The following MKLN1 variants were observed in gnomAD, a reference collection of about 807,000 sequenced individuals.
MKLN1 encodes the protein muskelin.
In MKLN1, 18 loss-of-function variants were observed where a neutral mutation model predicts 99.0. That is an observed-to-expected ratio of 0.18 (90% CI 0.13 to 0.27). The LOEUF (loss-of-function observed/expected upper bound fraction) is 0.27. MKLN1 is among the 10% of genes least tolerant of loss of function. MKLN1 has a pLI of 1.00. For synonymous variants in MKLN1, 288 were observed against 293.2 expected, an observed-to-expected ratio of 0.98 and a Z score of 0.18; for missense variants, 621 against 875.9, an observed-to-expected ratio of 0.71 and a Z score of 3.67.
intron 10 of MKLN1, among the ~76,000 whole-genome samples, chr7:131,439,599 T>G (rs1242864269): frequency 6.6e-6 from 1 of 152,188 alleles, no homozygotes; most frequent in Non-Finnish European, 1.5e-5. Context: ...ACTTGTAGTG[T>G]TTATGACACT....
At chr7:131,138,691 G>A (rs1057119191) in intron 1 of MKLN1, among the ~76,000 whole-genome samples, 1 of 147,984 alleles carries the variant, frequency 6.8e-6, no homozygotes, top group African/African-American at 2.5e-5. Flanking sequence ...CTATTGACTT[G>A]AGTGAAATGA....
chr7:131,376,563 A>T (rs1793671242), intron 2 of MKLN1, among the ~76,000 whole-genome samples: 1 of 150,366 alleles, frequency 6.7e-6, no homozygotes, highest in Non-Finnish European at 1.5e-5. Flanking sequence ...AATCGTTTGA[A>T]CCCAGGAGGC....
At chr7:131,470,714 T>A in intron 15 of MKLN1, 128 bp from the exon 16 acceptor site, 1 of 661,588 alleles carries the variant, frequency 1.5e-6, no homozygotes, top group Non-Finnish European at 2.6e-6. Flanking sequence ...ATTCCTAAAC[T>A]GACATTTTCT....
intron 12 of MKLN1, among the ~76,000 whole-genome samples, chr7:131,447,123 C>T (rs529469114): frequency 6.6e-6 from 1 of 152,190 alleles, no homozygotes; most frequent in Non-Finnish European, 1.5e-5. Context: ...TGCAGAACTA[C>T]AGCCAGTTTA....
At chr7:131,175,872 C>T (rs1442777941) in intron 2 of MKLN1, among the ~76,000 whole-genome samples, 1 of 151,542 alleles carries the variant, frequency 6.6e-6, no homozygotes, top group Non-Finnish European at 1.5e-5. Context: ...TGCACTCCAG[C>T]CTGGGTGACA....
upstream of MKLN1, chr7:131,326,873 CCAGGCTTT>C (rs1201181467): frequency 1.3e-5 from 2 of 152,338 alleles, no homozygotes; most frequent in African/African-American, 4.8e-5. Context: ...ATGACACTGT[CCAGGCTTT>C]CAGGAGTCCA....
chr7:131,466,352 A>C lies in MKLN1; in HGVS notation c.1865A>C (p.Lys622Thr), dbSNP rs1213654273. The C allele has an allele frequency of 6.2e-7, 1 of 1,607,402 alleles. No homozygotes were observed. Among genetic ancestry groups the C allele is most frequent in the Non-Finnish European group, 8.5e-7 (1 of 1,175,414 alleles). ...AGATTAGATGACTTCTGGTCACTGA[A>C]GTTGTGTAGACCTTCAAAAGATTAT... ...KMRLDDFWSLKLCRPSKDYLL... is the reference protein window; with the variant it reads ...KMRLDDFWSLTLCRPSKDYLL... Residue 622 changes from lysine (K) to threonine (T), a missense_variant, in exon 15 of 18, where the codon AAG (lysine) becomes ACG (threonine). Physicochemically the swap from Lys to Thr is moderately conservative, Grantham distance 78. This residue lies in a region of MKLN1 where 126 missense variants were observed against 157.4 expected (regional missense o/e 0.80). Transcript: ENST00000352689.
intron 17 of MKLN1, among the ~76,000 whole-genome samples, chr7:131,479,881 G>A (rs1467651014): frequency 7.4e-5 from 11 of 148,946 alleles, no homozygotes; most frequent in East Asian, 2.0e-4. Flanking sequence ...TAAATCAGCC[G>A]GGCACGGTGG....
At chr7:131,219,031 G>T (rs1453530598) in intron 3 of MKLN1, among the ~76,000 whole-genome samples, 1 of 152,168 alleles carries the variant, frequency 6.6e-6, no homozygotes, top group Non-Finnish European at 1.5e-5. Flanking sequence ...AAAGCAGAAT[G>T]GTGGTTGCCA....
chr7:131,371,697 TTTC>T (rs1793468726), intron 1 of MKLN1, among the ~76,000 whole-genome samples: 1 of 151,954 alleles, frequency 6.6e-6, no homozygotes, highest in African/African-American at 2.4e-5. Context: ...CTCCTATACT[TTTC>T]TTCATAGTAA....
chr7:131,278,322 G>C (rs1798004158), intron 3 of MKLN1, among the ~76,000 whole-genome samples: 1 of 152,128 alleles, frequency 6.6e-6, no homozygotes, highest in African/African-American at 2.4e-5. Context: ...ACAGGTATGA[G>C]CCACTGTGCC....
chr7:131,434,049 C>A (rs1440193382), intron 9 of MKLN1, among the ~76,000 whole-genome samples: 1 of 151,922 alleles, frequency 6.6e-6, no homozygotes, highest in Non-Finnish European at 1.5e-5. Context: ...ACCCACCTGG[C>A]TAATTTTTGT....
intron 3 of MKLN1, among the ~76,000 whole-genome samples, chr7:131,276,872 G>A (rs1279308715): frequency 6.6e-6 from 1 of 152,168 alleles, no homozygotes; most frequent in Non-Finnish European, 1.5e-5. Flanking sequence ...TATTACAAAT[G>A]TGACAAGCCT....
At chr7:131,476,145 A>G (rs921883703) in intron 16 of MKLN1, among the ~76,000 whole-genome samples, 4 of 152,166 alleles carry the variant, frequency 2.6e-5, no homozygotes, top group Non-Finnish European at 4.4e-5. Context: ...ATAAAAAGAA[A>G]CTTCTTGAAT....
intron 3 of MKLN1, chr7:131,310,392 G>A (rs1798544126): frequency 6.6e-6 from 1 of 152,180 alleles, no homozygotes; most frequent in Admixed American, 6.5e-5. Flanking sequence ...AAATCTGAGT[G>A]TCAAGGTATC....
intron 2 of MKLN1, among the ~76,000 whole-genome samples, chr7:131,166,606 G>A (rs1376226719): frequency 6.6e-6 from 1 of 152,126 alleles, no homozygotes; most frequent in African/African-American, 2.4e-5. Flanking sequence ...CTTTCTTAGT[G>A]TTTTCTCTGC....
At chr7:131,271,071 C>T (rs1047078200) in intron 3 of MKLN1, among the ~76,000 whole-genome samples, 22 of 152,106 alleles carry the variant, frequency 1.4e-4, no homozygotes, top group Non-Finnish European at 1.6e-4. Flanking sequence ...ATATAAGATT[C>T]GTGATCGCAG....
rs190584662 is a variant in MKLN1 at position 131,387,335 on chromosome 7, G to A, written c.311+73G>A. On this transcript the variant is annotated intron_variant, in intron 3 of 17. Transcript: ENST00000352689. ...GTCTTAGTCTTTTTGTAGCTAATCT[G>A]CATGGTTTGATTTTTCTTTCAAAGG... 16 of 1,377,556 alleles carry A rather than the reference G, an allele frequency of 1.2e-5. No homozygotes were observed. In the East Asian group the frequency reaches 3.3e-4, roughly 29 times the overall value. The allele number at this position is 1,377,556 out of a possible 1,614,324, so 85.3% of individuals were successfully genotyped here. A position where few individuals can be genotyped will look rare whatever the true frequency, so the allele number is the denominator to read the frequency against.
chr7:131,356,443 C>T (rs1440614541), intron 1 of MKLN1, among the ~76,000 whole-genome samples: 2 of 152,114 alleles, frequency 1.3e-5, no homozygotes, highest in South Asian at 2.1e-4. Flanking sequence ...AACATTTCCC[C>T]CCCCAAGAGT....
Sources: gnomAD v4.1 joint callset for allele counts (sites outside exome capture counted in the v4.1 genomes callset) on GRCh38, gnomAD v4.1.1 for gene constraint, gnomAD v4.1.1 regional missense constraint, MANE v1.5 for transcripts, NCBI Gene and HGNC (gene_info 2026-07-23, HGNC 2026-07-21) for gene names.